Variants in UNC13A observed in about 807,000 individuals in gnomAD.
UNC13A encodes unc-13 homolog A, also known as protein unc-13 homolog A.
A neutral mutation model predicts 219.7 loss-of-function variants in UNC13A; 61 were observed. That is an observed-to-expected ratio of 0.28 (90% CI 0.23 to 0.34). The LOEUF is 0.34. UNC13A is among the 10% of genes least tolerant of loss of function. The pLI is 1.00. For synonymous variants in UNC13A, 920 were observed against 884.6 expected, an observed-to-expected ratio of 1.04 and a Z score of -0.71; for missense variants, 1,476 against 2,270.3, an observed-to-expected ratio of 0.65 and a Z score of 7.11.
chr19:17,628,551 GACAC>G (rs2076808603), intron 31 of UNC13A, among the ~76,000 whole-genome samples: 1 of 151,386 alleles, frequency 6.6e-6, no homozygotes, highest in South Asian at 2.1e-4. Context: ...TGCACAGCTG[GACAC>G]ACACACAAGC....
In UNC13A at chr19:17,629,267, G is replaced by A. The variant is rs369784619; in HGVS notation, c.3726C>T (p.Ser1242=). 2 of 1,612,008 alleles carry A rather than the reference G, an allele frequency of 1.2e-6. No homozygotes were observed. The highest frequency in any genetic ancestry group is 8.5e-7 in the Non-Finnish European group (1 of 1,179,290). ...CTTTCTCCTTCTCCTTGGAGCAGTA[G>A]GAGGCAAAGTCCTTGGAGATGATGT... ...YADIISKDFA[S]YCSKEKEKVP... The change falls in exon 31 of 44, where the codon TCC becomes TCT. Residue 1242 remains serine, a synonymous_variant. Coordinates refer to ENST00000519716, the MANE Select transcript of UNC13A (RefSeq NM_001080421.3).
In UNC13A at chr19:17,606,075, G is replaced by A. The variant is rs554779097; in HGVS notation, c.5091C>T (p.Gly1697=). Residue 1697 remains glycine (G), a synonymous_variant, in exon 44 of 44, where the codon GGC becomes GGT. Coordinates refer to ENST00000519716, the MANE Select transcript of UNC13A (RefSeq NM_001080421.3). The part of the protein sequence containing the change: ...LKSDTRSAEE[G]GAAPAP ...CGCGCTAAGGCGCAGGCGCGGCACC[G>A]CCCTCCTCGGCGGAGCGCGTGTCCG... 6.3e-6 allele frequency: 10 copies of A among 1,581,026 alleles called. No individual in the cohort carries two copies. The highest frequency in any genetic ancestry group is 4.2e-5 in the African/African-American group (3 of 71,224).
At position 17,605,948 on chromosome 19, in the gene UNC13A, C is replaced by T. The variant is rs936871633; in HGVS notation, c.*106G>A. 4.7e-6 allele frequency: 5 copies of T among 1,070,342 alleles called. No individual in the cohort carries two copies. In the South Asian group the frequency reaches 6.7e-5, roughly 14 times the overall value. 66.3% of individuals were successfully genotyped at this position (1,070,342 alleles called of 1,614,324 possible). On this transcript the variant is annotated 3_prime_UTR_variant, in exon 44 of 44. Transcript: ENST00000519716. ...GGCGCAGCCCACCCTTGGCGTGGAGCCCCCCGAGCCCCGCCCCTGGGGAGG... is the reference window on the plus strand; with the variant it reads ...GGCGCAGCCCACCCTTGGCGTGGAGTCCCCCGAGCCCCGCCCCTGGGGAGG...
chr19:17,617,946 GCTA>G, intron 40 of UNC13A, 97 bp from the exon 41 acceptor site: 1 of 1,471,832 alleles, frequency 6.8e-7, no homozygotes. Context: ...AATTCTTCCC[GCTA>G]CTACTTTCTC....
chr19:17,611,673 C>G, intron 42 of UNC13A, 90 bp downstream of exon 42: 9 of 1,230,108 alleles, frequency 7.3e-6, no homozygotes, highest in Non-Finnish European at 9.4e-6. Context: ...CATTAAACAA[C>G]AACAACAAAA....
At chr19:17,633,661 C>T (rs2076881086) in intron 26 of UNC13A, among the ~76,000 whole-genome samples, 1 of 152,134 alleles carries the variant, frequency 6.6e-6, no homozygotes, top group African/African-American at 2.4e-5. Context: ...ACCCATCCAT[C>T]CATCCCTCTA....
Position 17,605,139 on chromosome 19 carries a change from G to A in UNC13A, c.*915C>T, listed in dbSNP as rs962610058. 2 of 152,712 alleles carry A rather than the reference G, an allele frequency of 1.3e-5. No individual in the cohort carries two copies. Among genetic ancestry groups the A allele is most frequent in the Non-Finnish European group, 2.9e-5 (2 of 68,090 alleles). 9.5% of individuals were successfully genotyped at this position (152,712 alleles called of 1,614,324 possible). On this transcript the variant is annotated 3_prime_UTR_variant, in exon 44 of 44. Transcript: ENST00000519716. ...CCTGGAATTCCCACCCCTTGGAGGA[G>A]GCCGAGGGGGAATTAGCAGCAATAG...
intron 41 of UNC13A, 105 bp downstream of exon 41, chr19:17,617,597 C>T: frequency 6.7e-7 from 1 of 1,497,614 alleles, no homozygotes; most frequent in Non-Finnish European, 9.1e-7. Context: ...CAATTCCGCC[C>T]CATCCATGAC....
intron 33 of UNC13A, among the ~76,000 whole-genome samples, 190 bp from the exon 34 acceptor site, chr19:17,626,975 C>G (rs774561947): frequency 2.0e-5 from 3 of 152,124 alleles, no homozygotes; most frequent in Non-Finnish European, 4.4e-5. Context: ...GGGCGGATCA[C>G]GAGGTCAAGA....
chr19:17,656,408 T>C lies in UNC13A; in HGVS notation c.768-10A>G. 2 of 1,503,878 alleles carry C rather than the reference T, an allele frequency of 1.3e-6. No homozygotes were observed. Among genetic ancestry groups the C allele is most frequent in the Non-Finnish European group, 8.9e-7 (1 of 1,128,416 alleles). 93.2% of individuals were successfully genotyped at this position (1,503,878 alleles called of 1,614,324 possible). A position where few individuals can be genotyped will look rare whatever the true frequency, so the allele number is the denominator to read the frequency against. On this transcript the variant is annotated splice_polypyrimidine_tract_variant and intron_variant, in intron 9 of 43. Coordinates refer to ENST00000519716, the MANE Select transcript of UNC13A (RefSeq NM_001080421.3). Reference sequence around the variant, plus strand: ...GCTGCTACCCGTGGGGCTGTGGGGATGGAACAGGGTTCAGGGACTGGGGTA... The same window carrying C: ...GCTGCTACCCGTGGGGCTGTGGGGACGGAACAGGGTTCAGGGACTGGGGTA...
At chr19:17,626,052 CCCAT>C (rs1008567584) in intron 34 of UNC13A, among the ~76,000 whole-genome samples, 3 of 149,154 alleles carry the variant, frequency 2.0e-5, no homozygotes, top group African/African-American at 7.4e-5. Context: ...CATCTACCCA[CCCAT>C]CCATTTATTC....
chr19:17,623,336 A>G (rs966821833), intron 36 of UNC13A: 14 of 497,358 alleles, frequency 2.8e-5, no homozygotes, highest in Non-Finnish European at 3.6e-5. Context: ...TGGGACAGGG[A>G]GGGTGGGCGT....
Position 17,674,407 on chromosome 19 carries a change from A to G in UNC13A, c.152+250T>C, listed in dbSNP as rs1305112326. Among the ~76,000 whole-genome samples the G allele has an allele frequency of 1.3e-5, 2 of 152,158 alleles. No homozygotes were observed. The highest frequency in any genetic ancestry group is 2.9e-5 in the Non-Finnish European group (2 of 68,022). On this transcript the variant is annotated intron_variant, in intron 3 of 43. Transcript: ENST00000519716. The surrounding 1 kb of genome is among the most constrained non-coding windows in gnomAD (Gnocchi z 5.0). ...TGCCTGGAGGAGAACAGATTGTAGG[A>G]GGTGGATGGCACAGGAGGCCAGGGC...
At position 17,627,388 on chromosome 19, in the gene UNC13A, C is replaced by CT; in HGVS notation, c.3920+120dup. On this transcript the variant is annotated intron_variant, in intron 33 of 43. Coordinates refer to ENST00000519716, the MANE Select transcript of UNC13A (RefSeq NM_001080421.3). The surrounding 1 kb of genome is among the most constrained non-coding windows in gnomAD (Gnocchi z 4.7). Reference sequence around the variant, plus strand: ...AGTAAAGCCAAGATTTGAACTCAGCCTTGTCTAACTCTGAGCCTGCAATCT... The same window carrying CT: ...AGTAAAGCCAAGATTTGAACTCAGCCTTTGTCTAACTCTGAGCCTGCAATCT... 1 of 758,752 alleles carries CT rather than the reference C, an allele frequency of 1.3e-6. No individual in the cohort carries two copies. Among genetic ancestry groups the CT allele is most frequent in the South Asian group, 1.8e-5 (1 of 56,314 alleles). The allele number at this position is 758,752 out of a possible 1,614,324, so 47.0% of individuals were successfully genotyped here.
At chr19:17,662,113 C>G (rs538477532) in intron 8 of UNC13A, among the ~76,000 whole-genome samples, 1 of 151,922 alleles carries the variant, frequency 6.6e-6, no homozygotes, top group Non-Finnish European at 1.5e-5. Flanking sequence ...CATGGTGGCA[C>G]GCGCCTGTAA....
chr19:17,688,123 C>T lies in UNC13A; in HGVS notation c.22+55G>A, dbSNP rs929260056. ...CCCTGGGAGCCGCATCCACGCGGACCCCGACCCCAGCCCGCGTCCACACGG... is the reference window on the plus strand; with the variant it reads ...CCCTGGGAGCCGCATCCACGCGGACTCCGACCCCAGCCCGCGTCCACACGG... On this transcript the variant is annotated intron_variant, in intron 1 of 43. Transcript: ENST00000519716. The T allele has an allele frequency of 3.3e-6, 5 of 1,518,576 alleles. No homozygotes were observed. In the African/African-American group the frequency reaches 7.1e-5, roughly 22 times the overall value. 94.1% of individuals were successfully genotyped at this position (1,518,576 alleles called of 1,614,324 possible). A position where few individuals can be genotyped will look rare whatever the true frequency, so the allele number is the denominator to read the frequency against.
At chr19:17,608,394 ATT>A (rs1209517097) in intron 43 of UNC13A, among the ~76,000 whole-genome samples, 3 of 114,312 alleles carry the variant, frequency 2.6e-5, no homozygotes, top group Non-Finnish European at 3.6e-5. Context: ...ATATATATAT[ATT>A]TATATATAAT....
Position 17,632,816 on chromosome 19 carries a change from G to T in UNC13A, c.3394C>A (p.Pro1132Thr). ...WLYNEYVTEL[P>T]AFKDRVPEYP... ...TCAGGCACGCGGTCCTTGAAGGCGGGAAGTTCCGTCACATACTCATTGTAG... is the reference window on the plus strand; with the variant it reads ...TCAGGCACGCGGTCCTTGAAGGCGGTAAGTTCCGTCACATACTCATTGTAG... Residue 1132 changes from proline to threonine, a missense_variant, in exon 28 of 44, where the codon CCC becomes ACC. Coordinates refer to ENST00000519716, the MANE Select transcript of UNC13A (RefSeq NM_001080421.3). 6.2e-7 allele frequency: 1 copy of T among 1,613,970 alleles called. No individual in the cohort carries two copies. The highest frequency in any genetic ancestry group is 8.5e-7 in the Non-Finnish European group (1 of 1,179,896).
rs144914865 is a variant in UNC13A, at chr19:17,683,517, G to A, written c.22+4661C>T. 4.6e-3 allele frequency among the ~76,000 whole-genome samples: 698 copies of A among 152,044 alleles called. 7 individuals are homozygous for A. Among genetic ancestry groups the A allele is most frequent in the African/African-American group, 0.015 (631 of 41,474 alleles). ...TACTAAAAATACAAAAACTAGCTAGGTGTGGTAGCACGTGCCTGTAATCCC... is the reference window on the plus strand; with the variant it reads ...TACTAAAAATACAAAAACTAGCTAGATGTGGTAGCACGTGCCTGTAATCCC... On this transcript the variant is annotated intron_variant, in intron 1 of 43. Transcript: ENST00000519716.
Sources: allele counts gnomAD v4.1 joint callset (sites outside exome capture counted in the v4.1 genomes callset), GRCh38; gene constraint gnomAD v4.1.1; non-coding constraint Gnocchi (gnomAD v3.1); transcripts MANE v1.5; gene names NCBI Gene and HGNC (gene_info 2026-07-23, HGNC 2026-07-21).